Variants in TANGO6 observed in about 807,000 individuals in gnomAD.
The protein encoded by TANGO6 is transport and Golgi organization protein 6 homolog.
A neutral mutation model predicts 114.2 loss-of-function variants in TANGO6; 90 were observed. That is an observed-to-expected ratio of 0.79 (90% CI 0.66 to 0.94). The LOEUF (loss-of-function observed/expected upper bound fraction) is 0.94. TANGO6 is among the 40% of genes least tolerant of loss of function. TANGO6 has a pLI of 0.00. For synonymous variants in TANGO6, 477 were observed against 509.8 expected (o/e 0.94, Z 0.87); for missense variants, 1,274 against 1,315.3 (o/e 0.97, Z 0.49).
intron 14 of TANGO6, among the ~76,000 whole-genome samples, chr16:68,965,699 G>A (rs1412285799): frequency 6.6e-6 from 1 of 151,816 alleles, no homozygotes; most frequent in Non-Finnish European, 1.5e-5. Flanking sequence ...TACTCTGGAG[G>A]CTGAGGCAGG....
chr16:68,878,347 T>G (rs1177481674), intron 6 of TANGO6, 67 bp downstream of exon 6: 4 of 1,503,050 alleles, frequency 2.7e-6, no homozygotes, highest in Non-Finnish European at 3.6e-6. Flanking sequence ...CACGTTGAAA[T>G]GATTTAAATC....
intron 5 of TANGO6, among the ~76,000 whole-genome samples, chr16:68,876,128 C>T (rs998209206): frequency 4.0e-5 from 6 of 151,722 alleles, no homozygotes; most frequent in Non-Finnish European, 8.8e-5. Context: ...TACACACATA[C>T]ATTAACATAT....
At chr16:69,023,901 TTTATTATTA>T (rs895612578) in intron 16 of TANGO6, among the ~76,000 whole-genome samples, 3 of 151,778 alleles carry the variant, frequency 2.0e-5, no homozygotes, top group East Asian at 1.9e-4. Context: ...TTTAGAGTTT[TTTATTATTA>T]TTATTATTAT....
chr16:68,846,672 T>C (rs1000678135), intron 1 of TANGO6: 14 of 162,858 alleles, frequency 8.6e-5, no homozygotes, highest in African/African-American at 1.7e-4. Flanking sequence ...ATTTTCTTTT[T>C]TTTTTTTTTT....
chr16:68,926,397 G>A (rs1430102974), intron 12 of TANGO6, among the ~76,000 whole-genome samples: 1 of 151,706 alleles, frequency 6.6e-6, no homozygotes, highest in Non-Finnish European at 1.5e-5. Flanking sequence ...GGGAGGCTGA[G>A]GCAGGAGAAT....
At chr16:69,063,770 G>A (rs1398622554) in intron 17 of TANGO6, among the ~76,000 whole-genome samples, 1 of 136,760 alleles carries the variant, frequency 7.3e-6, no homozygotes, top group East Asian at 2.0e-4. Context: ...TCTGGGCAGC[G>A]TAGCCATACT....
chr16:68,899,759 C>T (rs926877082), intron 7 of TANGO6, among the ~76,000 whole-genome samples: 44 of 152,150 alleles, frequency 2.9e-4, no homozygotes, highest in African/African-American at 1.0e-3. Context: ...ACTACCAAGC[C>T]TGGCTAATTT....
At chr16:68,863,090 G>T in intron 3 of TANGO6, 29 bp downstream of exon 3, 1 of 1,348,576 alleles carries the variant, frequency 7.4e-7, no homozygotes, top group South Asian at 1.5e-5. Context: ...TCTTGGGGGT[G>T]ACTCATTAAT....
At chr16:68,996,577 G>T (rs967627662) in intron 15 of TANGO6, among the ~76,000 whole-genome samples, 2 of 152,182 alleles carry the variant, frequency 1.3e-5, no homozygotes, top group Non-Finnish European at 2.9e-5. Context: ...TCAACAAGAT[G>T]TTTCTGCTGA....
In TANGO6 at chr16:68,881,599, TA is replaced by T. The variant is rs1427906020; in HGVS notation, c.1377+970del. ...AAGTGTATGATAATTGAATCTACTTTATAACTTTTGATAGTAATTACTGTCA... is the reference window on the plus strand; with the variant it reads ...AAGTGTATGATAATTGAATCTACTTTTAACTTTTGATAGTAATTACTGTCA... On this transcript the variant is annotated intron_variant, in intron 7 of 17. Transcript: ENST00000261778. Among the ~76,000 whole-genome samples, 4 of 152,234 alleles carry T rather than the reference TA, an allele frequency of 2.6e-5. No individual in the cohort carries two copies. The South Asian group carries it at 6.2e-4, about 24-fold the overall frequency.
intron 17 of TANGO6, among the ~76,000 whole-genome samples, chr16:69,078,634 C>G (rs1294881926): frequency 1.3e-5 from 2 of 152,170 alleles, no homozygotes; most frequent in Non-Finnish European, 2.9e-5. Flanking sequence ...CCCACTAGAC[C>G]AGAAGCCTTT....
At chr16:68,854,187 C>T (rs1045464520) in intron 1 of TANGO6, among the ~76,000 whole-genome samples, 3 of 152,164 alleles carry the variant, frequency 2.0e-5, no homozygotes, top group Non-Finnish European at 4.4e-5. Context: ...GGCACAGTGG[C>T]TCACACCTAT....
intron 7 of TANGO6, among the ~76,000 whole-genome samples, chr16:68,894,641 G>A (rs570701348): frequency 2.0e-5 from 3 of 152,046 alleles, no homozygotes; most frequent in East Asian, 1.9e-4. Flanking sequence ...AGGAACTGAA[G>A]CAATGAAAAT....
intron 15 of TANGO6, among the ~76,000 whole-genome samples, chr16:68,986,301 T>G (rs1963889116): frequency 6.6e-6 from 1 of 152,122 alleles, no homozygotes; most frequent in Admixed American, 6.5e-5. Flanking sequence ...GAATTAAGTC[T>G]CTGATCTCTT....
At chr16:68,895,096 A>G (rs1056494181) in intron 7 of TANGO6, among the ~76,000 whole-genome samples, 2 of 152,160 alleles carry the variant, frequency 1.3e-5, no homozygotes, top group Non-Finnish European at 2.9e-5. Context: ...GACTCCTCTT[A>G]TGAAGACTTT....
At chr16:68,935,414 T>C (rs1180726707) in intron 14 of TANGO6, among the ~76,000 whole-genome samples, 7 of 152,206 alleles carry the variant, frequency 4.6e-5, no homozygotes, top group Non-Finnish European at 1.0e-4. Context: ...CAGAAGAGAA[T>C]AAAATACAGC....
intron 15 of TANGO6, among the ~76,000 whole-genome samples, chr16:68,992,762 T>G (rs1486541349): frequency 6.6e-6 from 1 of 152,134 alleles, no homozygotes; most frequent in Non-Finnish European, 1.5e-5. Flanking sequence ...AAGCTTTGTA[T>G]TCTATGTTAA....
intron 14 of TANGO6, among the ~76,000 whole-genome samples, chr16:68,933,351 G>A (rs1465971834): frequency 1.3e-5 from 2 of 152,124 alleles, no homozygotes; most frequent in Non-Finnish European, 2.9e-5. Context: ...GGAGATGAGG[G>A]TTGCAGTGAG....
chr16:69,018,888 C>T (rs1024474856), intron 15 of TANGO6, among the ~76,000 whole-genome samples: 6 of 151,880 alleles, frequency 4.0e-5, no homozygotes, highest in Admixed American at 6.6e-5. Flanking sequence ...CCAGCCTGGG[C>T]GACAGAGTGA....
Sources: gnomAD v4.1 joint callset for allele counts (sites outside exome capture counted in the v4.1 genomes callset) on GRCh38, gnomAD v4.1.1 for gene constraint, MANE v1.5 for transcripts, NCBI Gene and HGNC (gene_info 2026-07-23, HGNC 2026-07-21) for gene names.